Variants in EXOC2 observed in about 807,000 individuals in gnomAD.
EXOC2 encodes the protein SEC5-like 1.
A neutral mutation model predicts 131.8 loss-of-function variants in EXOC2; 70 were observed. The ratio of observed to expected loss-of-function variants is 0.53; its 90% CI spans 0.44 to 0.65. EXOC2 has a LOEUF of 0.65. Among genes scored for constraint, EXOC2 ranks in the 30% least tolerant of loss-of-function variants. The pLI, the probability that EXOC2 is intolerant of heterozygous loss-of-function variation, is 0.00. For missense variants in EXOC2, 923 were observed against 1,108.6 expected, an observed-to-expected ratio of 0.83 and a Z score of 2.38; for synonymous variants, 411 against 398.4, an observed-to-expected ratio of 1.03 and a Z score of -0.38.
At chr6:528,794 G>C (rs116839558) in intron 23 of EXOC2, among the ~76,000 whole-genome samples, 3 of 152,210 alleles carry the variant, frequency 2.0e-5, no homozygotes, top group Admixed American at 2.0e-4. Context: ...TTACATTTAG[G>C]CTCTGATCCT....
chr6:690,534 T>C (rs1764874010), intron 1 of EXOC2, among the ~76,000 whole-genome samples: 1 of 152,032 alleles, frequency 6.6e-6, no homozygotes, highest in African/African-American at 2.4e-5. Context: ...AAACCCCGTC[T>C]CTACTAAAAA....
At chr6:545,010 A>G (rs1053652943) in intron 22 of EXOC2, among the ~76,000 whole-genome samples, 15 of 151,162 alleles carry the variant, frequency 9.9e-5, no homozygotes, top group African/African-American at 1.5e-4. Flanking sequence ...AGCCGGGCGC[A>G]GTGGCGGGTG....
intron 13 of EXOC2, 33 bp from the exon 14 acceptor site, chr6:564,962 T>G: frequency 1.3e-6 from 2 of 1,517,584 alleles, no homozygotes; most frequent in Non-Finnish European, 1.8e-6. Context: ...TAAAACATAT[T>G]AGAAATAATT....
At chr6:487,605 C>T (rs1763152737) in intron 27 of EXOC2, among the ~76,000 whole-genome samples, 2 of 152,090 alleles carry the variant, frequency 1.3e-5, no homozygotes, top group African/African-American at 4.8e-5. Flanking sequence ...CGGGGTTTTA[C>T]CATGTTGGCC....
intron 1 of EXOC2, among the ~76,000 whole-genome samples, chr6:674,076 G>C (rs551132917): frequency 6.6e-6 from 1 of 152,076 alleles, no homozygotes; most frequent in African/African-American, 2.4e-5. Flanking sequence ...TTTATATTAC[G>C]ATGCTTGGTT....
intron 1 of EXOC2, among the ~76,000 whole-genome samples, chr6:690,628 G>A (rs573330505): frequency 3.3e-5 from 5 of 152,178 alleles, no homozygotes; most frequent in South Asian, 2.1e-4. Context: ...GCGTGAACCC[G>A]GGAGGCAGAG....
intron 23 of EXOC2, chr6:524,196 C>T (rs1765627615): frequency 1.3e-5 from 2 of 152,042 alleles, no homozygotes; most frequent in African/African-American, 4.8e-5. Flanking sequence ...GGGGAAGAAC[C>T]ACCAGACTCG....
At chr6:489,966 CGG>C in intron 26 of EXOC2, among the ~76,000 whole-genome samples, 1 of 152,310 alleles carries the variant, frequency 6.6e-6, no homozygotes. Context: ...GGGTGTGGGA[CGG>C]GTGGCTTGGC....
At chr6:588,773 G>GT (rs1045605660) in intron 11 of EXOC2, among the ~76,000 whole-genome samples, 9 of 152,068 alleles carry the variant, frequency 5.9e-5, no homozygotes, top group Admixed American at 5.9e-4. Flanking sequence ...CTTGCTCAGA[G>GT]TAAGTGAGTT....
At chr6:497,232 A>C (rs575886318) in intron 25 of EXOC2, 135 bp downstream of exon 25, 1 of 756,538 alleles carries the variant, frequency 1.3e-6, no homozygotes, top group South Asian at 2.1e-5. Flanking sequence ...GGCTTATGCA[A>C]GAAAGAATAT....
At chr6:629,307 T>C (rs2127700533) in intron 4 of EXOC2, among the ~76,000 whole-genome samples, 1 of 152,320 alleles carries the variant, frequency 6.6e-6, no homozygotes, top group Admixed American at 6.5e-5. Flanking sequence ...ACTAAAACAC[T>C]GTACTAGGAA....
chr6:616,345 T>C (rs1206360714), intron 6 of EXOC2, among the ~76,000 whole-genome samples: 4 of 152,216 alleles, frequency 2.6e-5, no homozygotes, highest in African/African-American at 9.6e-5. Context: ...GGCTCACGCC[T>C]GTAATCCCAG....
intron 23 of EXOC2, chr6:524,205 C>G (rs1581364960): frequency 1.3e-5 from 2 of 152,096 alleles, no homozygotes; most frequent in African/African-American, 4.8e-5. Flanking sequence ...CCACCAGACT[C>G]GGCAATGACT....
intron 1 of EXOC2, among the ~76,000 whole-genome samples, chr6:638,428 A>G (rs893233404): frequency 2.0e-5 from 3 of 152,244 alleles, no homozygotes; most frequent in Admixed American, 2.0e-4. Context: ...TGTTGTGAGT[A>G]TAACAGAGGA....
chr6:660,874 C>T (rs1018466971), intron 1 of EXOC2, among the ~76,000 whole-genome samples: 7 of 151,954 alleles, frequency 4.6e-5, no homozygotes, highest in African/African-American at 9.7e-5. Flanking sequence ...CAGGGAAAGG[C>T]GGAGCCCAAT....
In EXOC2 at chr6:598,105, G is replaced by C; in HGVS notation, c.989C>G (p.Thr330Arg). ...VFKKYYAEVE[T>R]RIEALRELLL... is the part of the protein sequence containing the mutation. Reference sequence around the variant, plus strand: ...TAATTCTCTTAAAGCTTCAATCCTTGTTTCTACTTCAGCATAATCTATTTA... The same window carrying C: ...TAATTCTCTTAAAGCTTCAATCCTTCTTTCTACTTCAGCATAATCTATTTA... The change falls in exon 10 of 28, where the codon ACA becomes AGA. Residue 330 changes from threonine to arginine, a missense_variant. Physicochemically the swap from Thr to Arg is moderately conservative, Grantham distance 71. Coordinates refer to ENST00000230449, the MANE Select transcript of EXOC2 (RefSeq NM_018303.6). 1 of 1,611,782 alleles carries C rather than the reference G, an allele frequency of 6.2e-7. No homozygotes were observed. The highest frequency in any genetic ancestry group is 8.5e-7 in the Non-Finnish European group (1 of 1,178,350).
chr6:525,772 G>C (rs934537338), intron 23 of EXOC2, among the ~76,000 whole-genome samples: 3 of 151,930 alleles, frequency 2.0e-5, no homozygotes, highest in African/African-American at 7.3e-5. Flanking sequence ...ATGTCAAATT[G>C]TACATATGAA....
intron 21 of EXOC2, among the ~76,000 whole-genome samples, chr6:550,800 G>A (rs1011733363): frequency 1.3e-5 from 2 of 152,112 alleles, no homozygotes; most frequent in Non-Finnish European, 2.9e-5. Flanking sequence ...CATGCTGTTC[G>A]CCTCAAAAAC....
At chr6:666,867 C>T (rs1447903787) in intron 1 of EXOC2, among the ~76,000 whole-genome samples, 1 of 89,818 alleles carries the variant, frequency 1.1e-5, no homozygotes, top group East Asian at 6.0e-4. Context: ...CAATTATGTT[C>T]TTTTTTTTTT....
Sources: allele counts gnomAD v4.1 joint callset (sites outside exome capture counted in the v4.1 genomes callset), GRCh38; gene constraint gnomAD v4.1.1; transcripts MANE v1.5; gene names NCBI Gene and HGNC (gene_info 2026-07-23, HGNC 2026-07-21).